Variants in NTRK2 observed in about 807,000 individuals in gnomAD.
NTRK2 encodes neurotrophic receptor tyrosine kinase 2.
NTRK2 carries 13 observed loss-of-function variants against 94.5 expected under a neutral mutation model. The observed-to-expected ratio is 0.14, with a 90% confidence interval of 0.09 to 0.22. NTRK2 has a LOEUF of 0.22. Ranked by LOEUF, NTRK2 falls within the 10% of genes least tolerant of loss-of-function variation. The pLI is 1.00. For synonymous variants in NTRK2, 372 were observed against 407.4 expected, an observed-to-expected ratio of 0.91 and a Z score of 1.05; for missense variants, 639 against 1,071.2, an observed-to-expected ratio of 0.60 and a Z score of 5.63.
intron 15 of NTRK2, among the ~76,000 whole-genome samples, chr9:84,939,058 A>AG (rs2078310245): frequency 1.3e-5 from 2 of 150,516 alleles, no homozygotes; most frequent in African/African-American, 4.9e-5. Flanking sequence ...ACTCAAAAAA[A>AG]AAAAAAAAAA....
At chr9:84,868,641 TATTATTA>T (rs2075704609) in intron 14 of NTRK2, among the ~76,000 whole-genome samples, 1 of 152,174 alleles carries the variant, frequency 6.6e-6, no homozygotes, top group Non-Finnish European at 1.5e-5. Flanking sequence ...GAAATTAAGG[TATTATTA>T]ATCTTAATAC....
intron 4 of NTRK2, among the ~76,000 whole-genome samples, chr9:84,707,477 G>T (rs1564095618): frequency 6.6e-6 from 1 of 151,970 alleles, no homozygotes; most frequent in Admixed American, 6.6e-5. Flanking sequence ...TCCCTACTGG[G>T]TTTATAGTTT....
At position 85,025,608 on chromosome 9, in the gene NTRK2, C is replaced by T. The variant is rs371420819; in HGVS notation, c.*4171C>T. 2 of 233,098 alleles carry T rather than the reference C, an allele frequency of 8.6e-6. No individual in the cohort carries two copies. Among genetic ancestry groups the T allele is most frequent in the African/African-American group, 4.4e-5 (2 of 45,342 alleles). The allele number at this position is 233,098 out of a possible 1,614,324, so 14.4% of individuals were successfully genotyped here. ...TTCACAAATTGGACTGCCTGTAATA[C>T]CAATAACATTGTTGTATCTAACTAA... On this transcript the variant is annotated 3_prime_UTR_variant, in exon 19 of 19. Coordinates refer to ENST00000277120, the MANE Select transcript of NTRK2 (RefSeq NM_006180.6).
chr9:84,825,351 T>C (rs925386950), intron 12 of NTRK2, among the ~76,000 whole-genome samples: 1 of 152,082 alleles, frequency 6.6e-6, no homozygotes, highest in South Asian at 2.1e-4. Flanking sequence ...CTGAGTAGAT[T>C]AAGTCCAAGC....
chr9:84,681,945 A>G (rs907312232), intron 2 of NTRK2, among the ~76,000 whole-genome samples: 9 of 152,352 alleles, frequency 5.9e-5, no homozygotes, highest in African/African-American at 2.2e-4. Flanking sequence ...CAGCAGCTCT[A>G]TAAAAAAGAA....
chr9:84,871,357 G>T (rs1175026105), intron 14 of NTRK2, among the ~76,000 whole-genome samples: 1 of 152,166 alleles, frequency 6.6e-6, no homozygotes, highest in Admixed American at 6.5e-5. Context: ...GATTCCCCAA[G>T]ATTTAAGACA....
chr9:84,942,774 T>G (rs1408384220), intron 15 of NTRK2, among the ~76,000 whole-genome samples: 1 of 131,048 alleles, frequency 7.6e-6, no homozygotes. Flanking sequence ...ATCTGTTAGG[T>G]TTTTTTTTTA....
intron 17 of NTRK2, among the ~76,000 whole-genome samples, chr9:84,990,452 A>G (rs1828917226): frequency 6.6e-6 from 1 of 152,134 alleles, no homozygotes; most frequent in Non-Finnish European, 1.5e-5. Context: ...TTTTGTATTC[A>G]TTCTCGAAGC....
At chr9:84,984,980 T>G (rs1226760331) in intron 17 of NTRK2, among the ~76,000 whole-genome samples, 1 of 152,232 alleles carries the variant, frequency 6.6e-6, no homozygotes, top group Non-Finnish European at 1.5e-5. Context: ...TATTATAGAC[T>G]ATGAGTGTGA....
chr9:84,747,020 G>A (rs907597465), intron 11 of NTRK2, among the ~76,000 whole-genome samples: 1 of 152,168 alleles, frequency 6.6e-6, no homozygotes, highest in African/African-American at 2.4e-5. Context: ...AGACTGGCTA[G>A]ACTTGCAGTG....
At chr9:84,801,024 A>G (rs941805453) in intron 12 of NTRK2, among the ~76,000 whole-genome samples, 1 of 152,180 alleles carries the variant, frequency 6.6e-6, no homozygotes, top group Non-Finnish European at 1.5e-5. Flanking sequence ...AATGCAATTG[A>G]TGTGATCATT....
At chr9:84,766,447 G>C (rs746606862) in intron 12 of NTRK2, among the ~76,000 whole-genome samples, 1 of 152,188 alleles carries the variant, frequency 6.6e-6, no homozygotes, top group Non-Finnish European at 1.5e-5. Flanking sequence ...ACTTGGATAC[G>C]ACAGAAATTG....
At chr9:84,789,849 T>G (rs1455928933) in intron 12 of NTRK2, among the ~76,000 whole-genome samples, 1 of 152,174 alleles carries the variant, frequency 6.6e-6, no homozygotes, top group Non-Finnish European at 1.5e-5. Context: ...CTCAGAGCCT[T>G]ATTTGGTGAT....
At chr9:84,990,751 T>C (rs951984875) in intron 17 of NTRK2, among the ~76,000 whole-genome samples, 1 of 152,070 alleles carries the variant, frequency 6.6e-6, no homozygotes, top group Non-Finnish European at 1.5e-5. Flanking sequence ...AATGATGCCA[T>C]GGGCACATGA....
At chr9:84,672,378 C>T (rs772313697) in intron 2 of NTRK2, among the ~76,000 whole-genome samples, 18 of 152,124 alleles carry the variant, frequency 1.2e-4, no homozygotes, top group Non-Finnish European at 4.4e-5. Context: ...GAGCCAAGAG[C>T]GGAGAGCAAG....
At chr9:84,774,545 A>G (rs1173242061) in intron 12 of NTRK2, among the ~76,000 whole-genome samples, 1 of 152,214 alleles carries the variant, frequency 6.6e-6, no homozygotes, top group Non-Finnish European at 1.5e-5. Context: ...TTCAACACAC[A>G]GCTCATTTCC....
chr9:84,905,135 G>T lies in NTRK2; in HGVS notation c.1634-29027G>T, dbSNP rs1242565968. On this transcript the variant is annotated intron_variant, in intron 14 of 18. Coordinates refer to ENST00000277120, the MANE Select transcript of NTRK2 (RefSeq NM_006180.6). ...ATCTTTATTCTGGAAGGTGAAACAC[G>T]AGTGGCAAATGGAGAAGGATATGGG... Among the ~76,000 whole-genome samples, 13 of 152,312 alleles carry T rather than the reference G, an allele frequency of 8.5e-5. No individual in the cohort carries two copies. In the East Asian group the frequency reaches 2.5e-3, roughly 29 times the overall value.
chr9:84,733,473 G>A (rs2063031839), intron 9 of NTRK2, among the ~76,000 whole-genome samples: 2 of 152,154 alleles, frequency 1.3e-5, no homozygotes. Context: ...AGAGGGTCCT[G>A]GGCTACCCCT....
At chr9:84,931,285 T>C (rs1216557337) in intron 14 of NTRK2, among the ~76,000 whole-genome samples, 1 of 151,942 alleles carries the variant, frequency 6.6e-6, no homozygotes, top group African/African-American at 2.4e-5. Context: ...CACACACCTG[T>C]AGTCTCAGCT....
Sources: gnomAD v4.1 joint callset for allele counts (sites outside exome capture counted in the v4.1 genomes callset) on GRCh38, gnomAD v4.1.1 for gene constraint, MANE v1.5 for transcripts, NCBI Gene and HGNC (gene_info 2026-07-23, HGNC 2026-07-21) for gene names.